The following CDH12 variants were observed in gnomAD, a reference collection of about 807,000 sequenced individuals.
The protein encoded by CDH12 is cadherin 12, also known as cadherin-12.
A neutral mutation model predicts 74.1 loss-of-function variants in CDH12; 41 were observed. That is an observed-to-expected ratio of 0.55 (90% CI 0.43 to 0.72). The LOEUF (loss-of-function observed/expected upper bound fraction) is 0.72, where lower values mean the gene tolerates loss of function less well. Among genes scored for constraint, CDH12 ranks in the 30% least tolerant of loss-of-function variants. CDH12 has a pLI of 0.00. For synonymous variants in CDH12, 399 were observed against 355.0 expected (o/e 1.12, Z -1.39); for missense variants, 945 against 977.2 (o/e 0.97, Z 0.44).
At chr5:22,448,084 C>A (rs964519465) in intron 2 of CDH12, among the ~76,000 whole-genome samples, 16 of 146,308 alleles carry the variant, frequency 1.1e-4, no homozygotes, top group African/African-American at 3.8e-4. Flanking sequence ...GCCCAAGAGG[C>A]GAAGGTTGCA....
At chr5:21,828,040 A>C (rs1469998909) in intron 8 of CDH12, among the ~76,000 whole-genome samples, 2 of 152,216 alleles carry the variant, frequency 1.3e-5, no homozygotes, top group African/African-American at 4.8e-5. Context: ...ACTTTACAAA[A>C]ATATGCCACA....
At chr5:22,426,321 GTTTTA>G (rs1272267738) in intron 2 of CDH12, among the ~76,000 whole-genome samples, 22 of 144,042 alleles carry the variant, frequency 1.5e-4, no homozygotes, top group Admixed American at 1.1e-3. Flanking sequence ...TTTTTATATT[GTTTTA>G]TTTTATTTTT....
chr5:22,753,170 C>A (rs566829492), intron 1 of CDH12, among the ~76,000 whole-genome samples: 1 of 152,088 alleles, frequency 6.6e-6, no homozygotes, highest in South Asian at 2.1e-4. Context: ...AAGACATTAA[C>A]AAGCTTGATA....
intron 1 of CDH12, among the ~76,000 whole-genome samples, chr5:22,577,940 T>C (rs961847900): frequency 1.3e-4 from 20 of 152,188 alleles, no homozygotes; most frequent in African/African-American, 4.8e-4. Context: ...TAGTCCCAAA[T>C]TAACCTCTGT....
In CDH12 at chr5:22,728,405, T is replaced by C. The variant is rs554987147; in HGVS notation, c.-523+124653A>G. ...AGAATCTGAGTCTGTTTCTGTGATC[T>C]TGTTTCTTCCGGTAGTCATTCACGT... On this transcript the variant is annotated intron_variant, in intron 1 of 14. Transcript: ENST00000382254. Among the ~76,000 whole-genome samples, 36 of 152,086 alleles carry C rather than the reference T, an allele frequency of 2.4e-4. No individual in the cohort carries two copies. The South Asian group carries it at 7.2e-3, about 31-fold the overall frequency.
At chr5:22,431,693 G>A (rs542085778) in intron 2 of CDH12, among the ~76,000 whole-genome samples, 1 of 152,198 alleles carries the variant, frequency 6.6e-6, no homozygotes, top group Non-Finnish European at 1.5e-5. Context: ...CAGTGATGTT[G>A]ATGATGCTGA....
intron 4 of CDH12, among the ~76,000 whole-genome samples, chr5:22,099,292 C>G (rs988926118): frequency 6.6e-6 from 1 of 152,130 alleles, no homozygotes; most frequent in Non-Finnish European, 1.5e-5. Context: ...TTCTCAGGCT[C>G]TTAGTATTCA....
intron 3 of CDH12, among the ~76,000 whole-genome samples, chr5:22,287,178 T>C (rs1315083745): frequency 6.6e-6 from 1 of 152,162 alleles, no homozygotes; most frequent in African/African-American, 2.4e-5. Flanking sequence ...CAACAAACTT[T>C]GTTATGGTTA....
At chr5:21,822,881 G>A (rs1309215066) in intron 8 of CDH12, among the ~76,000 whole-genome samples, 2 of 151,998 alleles carry the variant, frequency 1.3e-5, no homozygotes, top group African/African-American at 2.4e-5. Context: ...TCTTGTCTCT[G>A]AACAATGAGA....
rs111975062 is a variant in CDH12, at chr5:22,037,754, C to A, written c.231+40692G>T. Among the ~76,000 whole-genome samples the A allele has an allele frequency of 9.5e-4, 145 of 152,200 alleles. 2 individuals are homozygous for A. Among genetic ancestry groups the A allele is most frequent in the African/African-American group, 3.1e-3 (128 of 41,534 alleles). On this transcript the variant is annotated intron_variant, in intron 5 of 14. Transcript: ENST00000382254. ...CAGTGTTCATCCTGACCCAAAGACA[C>A]CCCAAATAACAAACAACTATATGTT...
intron 3 of CDH12, among the ~76,000 whole-genome samples, chr5:22,327,464 G>A (rs1739170285): frequency 6.8e-6 from 1 of 148,024 alleles, no homozygotes; most frequent in South Asian, 2.2e-4. Context: ...GTGTGTGTGT[G>A]TGTGTGCATC....
intron 1 of CDH12, among the ~76,000 whole-genome samples, chr5:22,651,920 G>A (rs1016563749): frequency 2.0e-5 from 3 of 151,870 alleles, no homozygotes; most frequent in African/African-American, 7.3e-5. Context: ...GGGAATCACA[G>A]GAAAACCCCC....
chr5:21,894,382 G>GAAAAAA (rs376989106), intron 6 of CDH12, among the ~76,000 whole-genome samples: 34 of 73,238 alleles, frequency 4.6e-4, no homozygotes, highest in African/African-American at 1.3e-3. Flanking sequence ...CCGTCTCAAA[G>GAAAAAA]AAAAAAAAAA....
At position 22,462,090 on chromosome 5, in the gene CDH12, C is replaced by T. The variant is rs568092838; in HGVS notation, c.-428+43180G>A. On this transcript the variant is annotated intron_variant, in intron 2 of 14. Transcript: ENST00000382254. ...ATGATAATTTATGAATCTTAGAGGTCTAACAGAAATTATAACAACAAACTA... is the reference window on the plus strand; with the variant it reads ...ATGATAATTTATGAATCTTAGAGGTTTAACAGAAATTATAACAACAAACTA... 3.3e-5 allele frequency among the ~76,000 whole-genome samples: 5 copies of T among 152,174 alleles called. No homozygotes were observed. The South Asian group carries it at 1.0e-3, about 32-fold the overall frequency.
At chr5:22,416,155 A>G (rs1743380915) in intron 2 of CDH12, among the ~76,000 whole-genome samples, 1 of 132,782 alleles carries the variant, frequency 7.5e-6, no homozygotes, top group Non-Finnish European at 1.5e-5. Context: ...GCTCACTACA[A>G]GCTCCGCCTC....
chr5:22,265,486 T>C (rs1309425013), intron 3 of CDH12, among the ~76,000 whole-genome samples: 1 of 152,166 alleles, frequency 6.6e-6, no homozygotes, highest in African/African-American at 2.4e-5. Context: ...AGAGAAAGGT[T>C]CTGCTCTCTC....
intron 1 of CDH12, among the ~76,000 whole-genome samples, chr5:22,510,677 TATA>T (rs767548601): frequency 6.6e-6 from 1 of 152,168 alleles, no homozygotes; most frequent in Non-Finnish European, 1.5e-5. Context: ...CTAGATTACT[TATA>T]ATAATTGCTA....
At chr5:21,827,475 A>G (rs775326357) in intron 8 of CDH12, among the ~76,000 whole-genome samples, 1 of 152,162 alleles carries the variant, frequency 6.6e-6, no homozygotes, top group Non-Finnish European at 1.5e-5. Flanking sequence ...ACTGCACCCA[A>G]GAAAGAAAAG....
chr5:22,579,496 T>C (rs1021295942), intron 1 of CDH12, among the ~76,000 whole-genome samples: 1 of 152,182 alleles, frequency 6.6e-6, no homozygotes, highest in Non-Finnish European at 1.5e-5. Context: ...GTTTTCATTA[T>C]TATTTATGAT....
Sources: allele counts gnomAD v4.1 joint callset (sites outside exome capture counted in the v4.1 genomes callset), GRCh38; gene constraint gnomAD v4.1.1; transcripts MANE v1.5; gene names NCBI Gene and HGNC (gene_info 2026-07-23, HGNC 2026-07-21).